PDHX: variants seen among roughly 807,000 people sequenced by gnomAD.
The protein encoded by PDHX is pyruvate dehydrogenase complex component X.
Under a neutral mutation model 55.3 loss-of-function variants are expected in PDHX, and 33 were observed. The ratio of observed to expected loss-of-function variants is 0.60; its 90% CI spans 0.45 to 0.80. The LOEUF (loss-of-function observed/expected upper bound fraction) is 0.80, where lower values mean the gene tolerates loss of function less well. Among genes scored for constraint, PDHX ranks in the 30% least tolerant of loss-of-function variants. The pLI, the probability that PDHX is intolerant of heterozygous loss-of-function variation, is 0.00. For synonymous variants in PDHX, 226 were observed against 219.4 expected (o/e 1.03, Z -0.27); for missense variants, 622 against 619.9 (o/e 1.00, Z -0.04).
intron 9 of PDHX, among the ~76,000 whole-genome samples, chr11:34,990,487 G>A (rs149195685): frequency 3.8e-4 from 58 of 152,220 alleles, no homozygotes; most frequent in African/African-American, 1.1e-3. Context: ...GTATGTGTGC[G>A]TGCAATCTAC....
intron 9 of PDHX, among the ~76,000 whole-genome samples, chr11:34,986,827 G>C (rs1281362458): frequency 1.3e-5 from 2 of 152,084 alleles, no homozygotes; most frequent in Non-Finnish European, 2.9e-5. Flanking sequence ...CCCCCAACAG[G>C]GACTCAGGGT....
intron 3 of PDHX, among the ~76,000 whole-genome samples, chr11:34,948,872 CT>C (rs1854686660): frequency 6.6e-6 from 1 of 152,168 alleles, no homozygotes; most frequent in South Asian, 2.1e-4. Context: ...ATTATGTGTG[CT>C]TTTGGCAAAC....
intron 5 of PDHX, among the ~76,000 whole-genome samples, chr11:34,962,499 A>G (rs1297712242): frequency 6.6e-6 from 1 of 152,202 alleles, no homozygotes; most frequent in East Asian, 1.9e-4. Context: ...TTTGAAGCTT[A>G]TTGTCAGGAC....
intron 3 of PDHX, among the ~76,000 whole-genome samples, chr11:34,954,637 C>T (rs1854862991): frequency 6.6e-6 from 1 of 152,162 alleles, no homozygotes; most frequent in Non-Finnish European, 1.5e-5. Context: ...GGGTCAGTCC[C>T]CTGTAGTCTA....
chr11:34,952,678 A>G (rs1355915903), intron 3 of PDHX, among the ~76,000 whole-genome samples: 20 of 151,822 alleles, frequency 1.3e-4, no homozygotes, highest in Admixed American at 3.9e-4. Flanking sequence ...TTAGGTATTG[A>G]TGGGATGTAT....
chr11:34,947,490 C>A lies in PDHX; in HGVS notation c.242-16C>A. ...TATATTTTAAAAAACAAAACAAACC[C>A]AGTCTTGTTTTGTAGGTGAAGCGGT... On this transcript the variant is annotated splice_polypyrimidine_tract_variant and intron_variant, in intron 2 of 10. Transcript: ENST00000227868. The A allele has an allele frequency of 1.3e-6, 2 of 1,563,500 alleles. No homozygotes were observed. Among genetic ancestry groups the A allele is most frequent in the Non-Finnish European group, 1.8e-6 (2 of 1,134,420 alleles).
intron 4 of PDHX, among the ~76,000 whole-genome samples, chr11:34,957,900 A>G (rs1362395294): frequency 6.6e-6 from 1 of 152,170 alleles, no homozygotes; most frequent in Non-Finnish European, 1.5e-5. Flanking sequence ...AATATACCAA[A>G]CTTGATACTC....
chr11:34,947,293 T>G (rs567728793), intron 2 of PDHX, among the ~76,000 whole-genome samples: 1 of 152,276 alleles, frequency 6.6e-6, no homozygotes, highest in East Asian at 1.9e-4. Context: ...GTATAATTTA[T>G]GTCCATTATA....
At position 34,950,038 on chromosome 11, in the gene PDHX, T is replaced by C. The variant is rs1854719338; in HGVS notation, c.342+2432T>C. On this transcript the variant is annotated intron_variant, in intron 3 of 10. Coordinates refer to ENST00000227868, the MANE Select transcript of PDHX (RefSeq NM_003477.3). ...CTCGGTACTATTCACCTTCTTCAGTTGGTTTCTTCACTTTATCTCACTCAA... is the reference window on the plus strand; with the variant it reads ...CTCGGTACTATTCACCTTCTTCAGTCGGTTTCTTCACTTTATCTCACTCAA... Among the ~76,000 whole-genome samples, 3 of 152,168 alleles carry C rather than the reference T, an allele frequency of 2.0e-5. No homozygotes were observed. The South Asian group carries it at 6.2e-4, about 32-fold the overall frequency.
intron 8 of PDHX, among the ~76,000 whole-genome samples, chr11:34,980,348 G>GTTTTTTTTTTTTTTTTTT (rs1319243948): frequency 2.3e-4 from 7 of 30,478 alleles, no homozygotes; most frequent in Admixed American, 2.7e-4. Context: ...GTTTAAGATA[G>GTTTTTTTTTTTTTTTTTT]TTTCTTTTTT....
chr11:34,991,733 A>G (rs1855761477), intron 9 of PDHX, among the ~76,000 whole-genome samples: 1 of 151,824 alleles, frequency 6.6e-6, no homozygotes, highest in South Asian at 2.1e-4. Context: ...ACATGGTGAA[A>G]CCCCATCTCT....
At chr11:34,917,599 A>G (rs1160099380) in intron 1 of PDHX, among the ~76,000 whole-genome samples, 5 of 152,056 alleles carry the variant, frequency 3.3e-5, no homozygotes, top group Admixed American at 1.3e-4. Context: ...TTACCTGCCA[A>G]TCATCGTTCC....
intron 3 of PDHX, among the ~76,000 whole-genome samples, chr11:34,951,668 T>C (rs779215925): frequency 6.6e-6 from 1 of 152,230 alleles, no homozygotes; most frequent in African/African-American, 2.4e-5. Flanking sequence ...CTGATGGTAG[T>C]TTCTTTTGCT....
rs557503113 is a variant in PDHX at position 34,932,204 on chromosome 11, G to A, written c.241+720G>A. Among the ~76,000 whole-genome samples, 79 of 152,104 alleles carry A rather than the reference G, an allele frequency of 5.2e-4. 1 individual carries two copies. Among genetic ancestry groups the A allele is most frequent in the South Asian group, 1.5e-3 (7 of 4,822 alleles). On this transcript the variant is annotated intron_variant, in intron 2 of 10. Transcript: ENST00000227868. ...GCAAGTCTTGAATTCCTCTGAACCC[G>A]GAAGTGGAATAAACACCCTAACTAT...
rs778603687 is a variant in PDHX, at chr11:34,984,757, A to G, written c.1182+29A>G. ...TGTCTTAAGAAAGAGTGTGCTTTCA[A>G]AATGTTAGCATATACTTTTGGATAA... On this transcript the variant is annotated intron_variant, in intron 9 of 10. Transcript: ENST00000227868. 4 of 1,601,622 alleles carry G rather than the reference A, an allele frequency of 2.5e-6. No individual in the cohort carries two copies. The Admixed American group carries it at 6.7e-5, about 27-fold the overall frequency.
intron 8 of PDHX, among the ~76,000 whole-genome samples, chr11:34,981,057 G>A (rs1855499917): frequency 6.6e-6 from 1 of 151,912 alleles, no homozygotes; most frequent in South Asian, 2.1e-4. Context: ...GTGCAGGTTA[G>A]TTACATATGT....
chr11:34,966,630 T>TCA lies in PDHX; in HGVS notation c.642-10_642-9insCA. 1 of 1,614,008 alleles carries TCA rather than the reference T, an allele frequency of 6.2e-7. No homozygotes were observed. Among genetic ancestry groups the TCA allele is most frequent in the African/African-American group, 1.3e-5 (1 of 75,030 alleles). On this transcript the variant is annotated splice_polypyrimidine_tract_variant and intron_variant, in intron 5 of 10. Transcript: ENST00000227868. Reference sequence around the variant, plus strand: ...CTAATTATGGTTATCTACTTTGCTCTTATTTCCAGGGATGCTCTCAAACTT... The same window carrying TCA: ...CTAATTATGGTTATCTACTTTGCTCTCATATTTCCAGGGATGCTCTCAAACTT...
chr11:34,954,108 A>G (rs576087931), intron 3 of PDHX, among the ~76,000 whole-genome samples: 20 of 152,374 alleles, frequency 1.3e-4, no homozygotes, highest in Non-Finnish European at 1.5e-5. Context: ...ATGGAAAATC[A>G]TAGTGATGAA....
intron 8 of PDHX, 30 bp from the exon 9 acceptor site, chr11:34,984,540 T>G (rs553969745): frequency 1.9e-6 from 3 of 1,610,510 alleles, no homozygotes; most frequent in East Asian, 2.2e-5. Flanking sequence ...AGCTGCTTTT[T>G]TAGTAACATT....
Sources: gnomAD v4.1 joint callset for allele counts (sites outside exome capture counted in the v4.1 genomes callset) on GRCh38, gnomAD v4.1.1 for gene constraint, MANE v1.5 for transcripts, NCBI Gene and HGNC (gene_info 2026-07-23, HGNC 2026-07-21) for gene names.